WDR81: variants seen among roughly 807,000 people sequenced by gnomAD.
WDR81 encodes WD repeat domain 81, also known as WD repeat-containing protein 81.
WDR81 carries 92 observed loss-of-function variants against 140.8 expected under a neutral mutation model. The observed-to-expected ratio is 0.65, with a 90% CI of 0.55 to 0.78. WDR81 has a LOEUF of 0.78. WDR81 is among the 30% of genes least tolerant of loss of function. The pLI is 0.00. For missense variants in WDR81, 2,502 were observed against 2,636.4 expected (o/e 0.95, Z 1.12); for synonymous variants, 1,183 against 1,156.4 (o/e 1.02, Z -0.47).
At position 1,729,190 on chromosome 17, in the gene WDR81, AGCTTTTCGGCCGGGC is replaced by A. The variant is rs1236140466; in HGVS notation, c.3667+567_3667+581del. On this transcript the variant is annotated intron_variant, in intron 1 of 9. Coordinates refer to ENST00000409644, the MANE Select transcript of WDR81 (RefSeq NM_001163809.2). ...ATTCCTAGGAGGGAGTGCAACATGG[AGCTTTTCGGCCGGGC>A]GCCGTGGCTCACGCCTCTAATCCCA... 1.4e-3 allele frequency among the ~76,000 whole-genome samples: 206 copies of A among 152,098 alleles called. 2 individuals are homozygous for A. Among genetic ancestry groups the A allele is most frequent in the African/African-American group, 4.8e-3 (201 of 41,508 alleles).
Position 1,727,259 on chromosome 17 carries a change from T to G in WDR81, c.2300T>G (p.Leu767Arg). The change falls in exon 1 of 10, where the codon CTC becomes CGC. Residue 767 changes from leucine to arginine, a missense_variant. Physicochemically the swap from Leu to Arg is moderately radical, Grantham distance 102 (BLOSUM62 -2). Transcript: ENST00000409644. ...CCGGCTGTGCCACTGCAGTGCCTAC[T>G]CCACAGGGACATGCAGGCGCTGGGT... is the stretch of plus-strand genomic sequence containing the variant. ...VQPAVPLQCL[L>R]HRDMQALGVL... is the part of the protein sequence containing the mutation. 1 of 1,550,306 alleles carries G rather than the reference T, an allele frequency of 6.5e-7. No homozygotes were observed. Among genetic ancestry groups the G allele is most frequent in the African/African-American group, 1.4e-5 (1 of 73,176 alleles).
In WDR81 at chr17:1,726,088, C is replaced by G. The variant is rs1915230963; in HGVS notation, c.1129C>G (p.Pro377Ala). Residue 377 changes from proline to alanine, a missense_variant, in exon 1 of 10, where the codon CCC (proline) becomes GCC (alanine). Pro to Ala is a conservative substitution (Grantham distance 27). This residue lies in a region of WDR81 where 547 missense variants were observed against 513.8 expected (regional missense o/e 1.06). Coordinates refer to ENST00000409644, the MANE Select transcript of WDR81 (RefSeq NM_001163809.2). ...NRLAGRRQGD[P>A]NYHPVLPWVV... ...GTTGGCAGGTCGGCGGCAGGGGGAC[C>G]CCAACTACCACCCCGTGCTGCCCTG... is the stretch of plus-strand genomic sequence containing the variant. 1.3e-6 allele frequency: 2 copies of G among 1,547,712 alleles called. No individual in the cohort carries two copies. Among genetic ancestry groups the G allele is most frequent in the Non-Finnish European group, 1.7e-6 (2 of 1,145,174 alleles).
Position 1,735,437 on chromosome 17 carries a change from A to G in WDR81, c.5180-135A>G. 1 of 1,004,440 alleles carries G rather than the reference A, an allele frequency of 1.0e-6. No individual in the cohort carries two copies. The highest frequency in any genetic ancestry group is 1.4e-6 in the Non-Finnish European group (1 of 713,688). 62.2% of individuals were successfully genotyped at this position (1,004,440 alleles called of 1,614,324 possible). ...AAGCGAGACTCCATCTCAAAAAAAG[A>G]GAAACATCTTTAGCATTTTCTAAGG... On this transcript the variant is annotated intron_variant, in intron 7 of 9. Transcript: ENST00000409644. The surrounding 1 kb of genome is among the most constrained non-coding windows in gnomAD (Gnocchi z 4.2).
At chr17:1,736,281 TG>T in intron 9 of WDR81, 63 bp downstream of exon 9, 3 of 1,538,944 alleles carry the variant, frequency 1.9e-6, no homozygotes, top group Non-Finnish European at 2.6e-6. Context: ...CCATCACCCC[TG>T]CTTAGGGTCT....
rs750378802 is a variant in WDR81 at position 1,730,439 on chromosome 17, C to T, written c.3727C>T (p.Arg1243Cys). ...CAAGCTCGGCCCCACAGTGGCCTCTCGCCACGTGGCCCGGAACCTGCTCCG... is the reference window on the plus strand; with the variant it reads ...CAAGCTCGGCCCCACAGTGGCCTCTTGCCACGTGGCCCGGAACCTGCTCCG... ...SAKLGPTVAS[R>C]HVARNLLRLL... Residue 1243 changes from arginine to cysteine, a missense_variant, in exon 2 of 10, where the codon CGC (arginine) becomes TGC (cysteine). Physicochemically the swap from Arg to Cys is radical, Grantham distance 180. Coordinates refer to ENST00000409644, the MANE Select transcript of WDR81 (RefSeq NM_001163809.2). The T allele has an allele frequency of 2.4e-5, 39 of 1,613,166 alleles. No individual in the cohort carries two copies. Among genetic ancestry groups the T allele is most frequent in the Non-Finnish European group, 3.1e-5 (37 of 1,179,958 alleles).
rs746605148 is a variant in WDR81, at chr17:1,725,000, C to A, written c.41C>A (p.Thr14Asn). The A allele has an allele frequency of 6.8e-7, 1 of 1,468,700 alleles. No individual in the cohort carries two copies. The highest frequency in any genetic ancestry group is 9.0e-7 in the Non-Finnish European group (1 of 1,112,990). 91.0% of individuals were successfully genotyped at this position (1,468,700 alleles called of 1,614,324 possible). Residue 14 changes from threonine (T) to asparagine (N), a missense_variant, in exon 1 of 10, where the codon ACC (threonine) becomes AAC (asparagine). Thr to Asn is a moderately conservative substitution (Grantham distance 65, BLOSUM62 0). Around this residue, in one of 3 missense-constraint regions of WDR81, gnomAD observed 547 missense variants for 513.8 expected, o/e 1.06. Transcript: ENST00000409644. ...GSGGREGALR[T>N]PAGGWHSPPS... ...GGGGGGCGGGAAGGCGCTCTCAGAA[C>A]CCCGGCCGGGGGCTGGCATTCCCCG...
At position 1,735,818 on chromosome 17, in the gene WDR81, G is replaced by A; in HGVS notation, c.5325+101G>A. 1 of 1,470,864 alleles carries A rather than the reference G, an allele frequency of 6.8e-7. No individual in the cohort carries two copies. Among genetic ancestry groups the A allele is most frequent in the Non-Finnish European group, 9.1e-7 (1 of 1,097,792 alleles). 91.1% of individuals were successfully genotyped at this position (1,470,864 alleles called of 1,614,324 possible). A position where few individuals can be genotyped will look rare whatever the true frequency, so the allele number is the denominator to read the frequency against. On this transcript the variant is annotated intron_variant, in intron 8 of 9. Coordinates refer to ENST00000409644, the MANE Select transcript of WDR81 (RefSeq NM_001163809.2). The surrounding 1 kb of genome is among the most constrained non-coding windows in gnomAD (Gnocchi z 4.2). ...CAGAAAGCCAGGATGTTGTTCTGGG[G>A]CCCTAGTTAGTTTCTCTTTGGTGCT... is the stretch of plus-strand genomic sequence containing the variant.
rs1323691992 is a variant in WDR81, at chr17:1,725,799, G to C, written c.840G>C (p.Ala280=). 4 of 1,550,656 alleles carry C rather than the reference G, an allele frequency of 2.6e-6. No homozygotes were observed. The highest frequency in any genetic ancestry group is 2.4e-5 in the South Asian group (2 of 84,068). The change falls in exon 1 of 10, where the codon GCG becomes GCC. Residue 280 remains alanine (A), a synonymous_variant. Transcript: ENST00000409644. ...AMDACHRQGL[A]CGALSLYHIA... ...ACGCCTGTCACCGCCAGGGGCTGGC[G>C]TGTGGGGCCCTGTCTTTGTATCACA...
At chr17:1,736,255 C>A (rs758567644) in intron 9 of WDR81, 37 bp downstream of exon 9, 2 of 1,576,248 alleles carry the variant, frequency 1.3e-6, no homozygotes, top group Non-Finnish European at 1.7e-6. Flanking sequence ...GCTGCCCAAC[C>A]CCCGCCCCTG....
chr17:1,730,581 T>G, intron 2 of WDR81, 94 bp downstream of exon 2: 2 of 1,376,114 alleles, frequency 1.5e-6, no homozygotes, highest in Middle Eastern at 1.8e-4. Flanking sequence ...TTCCCACCCC[T>G]CCCTCAAACC....
intron 1 of WDR81, among the ~76,000 whole-genome samples, chr17:1,717,616 G>A (rs1022747315): frequency 1.3e-5 from 2 of 152,146 alleles, no homozygotes; most frequent in African/African-American, 2.4e-5. Flanking sequence ...TGTGACCTCT[G>A]GGGACGAATC....
chr17:1,733,670 C>T lies in WDR81; in HGVS notation c.4633C>T (p.His1545Tyr). ...MPGTGPEWDP[H>Y]GGGCPQDDGH... ...CGGCACCGGGCCCGAGTGGGACCCCCATGGTGGGGGCTGCCCTCAGGATGA... is the reference window on the plus strand; with the variant it reads ...CGGCACCGGGCCCGAGTGGGACCCCTATGGTGGGGGCTGCCCTCAGGATGA... The change falls in exon 7 of 10, where the codon CAT becomes TAT. Residue 1545 changes from histidine to tyrosine, a missense_variant. By Grantham distance (83) the His-to-Tyr change is moderately conservative. This residue lies in a region of WDR81 where 1,737 missense variants were observed against 1,843.0 expected (regional missense o/e 0.94). Transcript: ENST00000409644. The T allele has an allele frequency of 2.5e-6, 4 of 1,610,380 alleles. No homozygotes were observed. Among genetic ancestry groups the T allele is most frequent in the South Asian group, 1.1e-5 (1 of 90,826 alleles).
chr17:1,729,340 C>T (rs371802655), intron 1 of WDR81, among the ~76,000 whole-genome samples: 3 of 151,904 alleles, frequency 2.0e-5, no homozygotes, highest in South Asian at 2.1e-4. Flanking sequence ...ATTAGCCAGG[C>T]GTGGTGGCGG....
rs998228650 is a variant in WDR81 at position 1,725,010 on chromosome 17, G to A, written c.51G>A (p.Gly17=). 2.4e-5 allele frequency: 35 copies of A among 1,471,586 alleles called. No individual in the cohort carries two copies. Among genetic ancestry groups the A allele is most frequent in the Non-Finnish European group, 2.9e-5 (32 of 1,113,892 alleles). 91.2% of individuals were successfully genotyped at this position (1,471,586 alleles called of 1,614,324 possible). A position where few individuals can be genotyped will look rare whatever the true frequency, so the allele number is the denominator to read the frequency against. Residue 17 remains glycine, a synonymous_variant, in exon 1 of 10, where the codon GGG becomes GGA. Coordinates refer to ENST00000409644, the MANE Select transcript of WDR81 (RefSeq NM_001163809.2). ...GREGALRTPA[G]GWHSPPSPDM... The stretch of plus-strand genomic sequence containing the variant: ...AAGGCGCTCTCAGAACCCCGGCCGG[G>A]GGCTGGCATTCCCCGCCAAGCCCAG...
rs1283117876 is a variant in WDR81 at position 1,728,048 on chromosome 17, AG to A, written c.3091del (p.Glu1031ArgfsTer61). 4 of 951,130 alleles carry A rather than the reference AG, an allele frequency of 4.2e-6. No individual in the cohort carries two copies. The highest frequency in any genetic ancestry group is 5.7e-6 in the Non-Finnish European group (4 of 707,496). The allele number at this position is 951,130 out of a possible 1,614,324, so 58.9% of individuals were successfully genotyped here. ...AGCAAGGACCTGGCAGGGGCTGCTG[AG>A]GAGGAGGAGAGCGGGCTGCCCGGGG... The part of the protein sequence containing the change: ...EESKDLAGAA[E>X]EEESGLPGAG... On this transcript the variant is annotated frameshift_variant, in exon 1 of 10. Coordinates refer to ENST00000409644, the MANE Select transcript of WDR81 (RefSeq NM_001163809.2). LOFTEE classifies it high-confidence loss of function.
At chr17:1,717,002 G>A (rs1914603746) in intron 1 of WDR81, 2 of 362,160 alleles carry the variant, frequency 5.5e-6, no homozygotes, top group Admixed American at 8.8e-5. Context: ...CCAAGAGGTA[G>A]CTTTCTAACA....
Position 1,724,774 on chromosome 17 carries a change from G to A in WDR81, c.-186G>A. On this transcript the variant is annotated 5_prime_UTR_variant, in exon 1 of 10. Transcript: ENST00000409644. ...CTGCCCCGCCGCGCCCGGAGCGCAG[G>A]ACCCGCGGAGGGGTAAGCGCGCCCC... 2 of 1,160,674 alleles carry A rather than the reference G, an allele frequency of 1.7e-6. No homozygotes were observed. Among genetic ancestry groups the A allele is most frequent in the South Asian group, 8.6e-5 (2 of 23,302 alleles). The allele number at this position is 1,160,674 out of a possible 1,614,324, so 71.9% of individuals were successfully genotyped here. A position where few individuals can be genotyped will look rare whatever the true frequency, so the allele number is the denominator to read the frequency against.
At chr17:1,730,562 C>A in intron 2 of WDR81, 75 bp downstream of exon 2, 2 of 1,486,848 alleles carry the variant, frequency 1.3e-6, no homozygotes, top group Non-Finnish European at 9.1e-7. Context: ...CGCTCTCCGG[C>A]GGGGATCCTT....
rs747874493 is a variant in WDR81, at chr17:1,732,748, A to G, written c.4406A>G (p.Asp1469Gly). ...TCTGATGGGCAGCAGCGGCCCGTGGACCCCGCCCTGCTGGACGAGCTGCAG... is the reference window on the plus strand; with the variant it reads ...TCTGATGGGCAGCAGCGGCCCGTGGGCCCCGCCCTGCTGGACGAGCTGCAG... ...VFSDGQQRPV[D>G]PALLDELQKV... Residue 1469 changes from aspartate to glycine, a missense_variant, in exon 6 of 10, where the codon GAC becomes GGC. Coordinates refer to ENST00000409644, the MANE Select transcript of WDR81 (RefSeq NM_001163809.2). 8.7e-6 allele frequency: 14 copies of G among 1,612,850 alleles called. No individual in the cohort carries two copies. In the South Asian group the frequency reaches 1.5e-4, roughly 18 times the overall value.
Sources: allele counts gnomAD v4.1 joint callset (sites outside exome capture counted in the v4.1 genomes callset), GRCh38; gene constraint gnomAD v4.1.1; regional missense constraint gnomAD v4.1.1; non-coding constraint Gnocchi (gnomAD v3.1); transcripts MANE v1.5; gene names NCBI Gene and HGNC (gene_info 2026-07-23, HGNC 2026-07-21).